RYR2: variants seen among roughly 807,000 people sequenced by gnomAD.
RYR2 encodes ryanodine receptor 2.
A neutral mutation model predicts 601.1 loss-of-function variants in RYR2; 227 were observed. The observed-to-expected ratio is 0.38, with a 90% CI of 0.34 to 0.42. RYR2 has a LOEUF of 0.42. Among genes scored for constraint, RYR2 ranks in the 10% least tolerant of loss-of-function variants. RYR2 has a pLI of 1.00. For missense variants in RYR2, 4,646 were observed against 6,156.5 expected (o/e 0.75, Z 8.21); for synonymous variants, 2,223 against 2,175.1 (o/e 1.02, Z -0.61).
In RYR2 at chr1:237,203,346, A is replaced by G. The variant is rs192118817; in HGVS notation, c.49-67151A>G. Among the ~76,000 whole-genome samples, 78 of 152,316 alleles carry G rather than the reference A, an allele frequency of 5.1e-4. 1 individual carries two copies. Among genetic ancestry groups the G allele is most frequent in the Non-Finnish European group, 5.9e-5 (4 of 68,032 alleles). On this transcript the variant is annotated intron_variant, in intron 1 of 104. Coordinates refer to ENST00000366574, the MANE Select transcript of RYR2 (RefSeq NM_001035.3). The stretch of plus-strand genomic sequence containing the variant: ...TTGTTATTATTGCTGTTTAGTGTAT[A>G]TTATTCTTAAATGTTTATAAAATGA...
At chr1:237,378,420 T>C (rs897318950) in intron 8 of RYR2, among the ~76,000 whole-genome samples, 1 of 152,222 alleles carries the variant, frequency 6.6e-6, no homozygotes, top group African/African-American at 2.4e-5. Flanking sequence ...ATGAAGTAAG[T>C]TGAAATGAAG....
intron 25 of RYR2, among the ~76,000 whole-genome samples, chr1:237,536,572 G>A (rs552456832): frequency 2.0e-5 from 3 of 152,234 alleles, no homozygotes; most frequent in South Asian, 2.1e-4. Flanking sequence ...AAAATTAGCC[G>A]GGCGTGGTGG....
chr1:237,472,013 A>G (rs1231771260), intron 17 of RYR2, among the ~76,000 whole-genome samples: 2 of 152,200 alleles, frequency 1.3e-5, no homozygotes, highest in East Asian at 1.9e-4. Flanking sequence ...CAATATGACC[A>G]TGATACTTTG....
intron 58 of RYR2, among the ~76,000 whole-genome samples, chr1:237,672,581 C>T (rs1029391454): frequency 1.3e-5 from 2 of 152,176 alleles, no homozygotes; most frequent in African/African-American, 2.4e-5. Context: ...TCACCTCAAA[C>T]ATTTATATTT....
intron 84 of RYR2, among the ~76,000 whole-genome samples, chr1:237,763,369 C>T (rs144168636): frequency 0.011 from 1,670 of 152,250 alleles, 17 homozygotes; most frequent in Middle Eastern, 0.02. Flanking sequence ...TCAAGGAGGA[C>T]GTGACAAGCT....
chr1:237,071,873 G>A (rs1194306390), intron 1 of RYR2, among the ~76,000 whole-genome samples: 1 of 152,250 alleles, frequency 6.6e-6, no homozygotes, highest in African/African-American at 2.4e-5. Context: ...GTTTCAGAGG[G>A]GGATGAGGCG....
intron 10 of RYR2, among the ~76,000 whole-genome samples, chr1:237,406,227 C>G (rs1203941904): frequency 8.8e-6 from 1 of 113,946 alleles, no homozygotes; most frequent in Non-Finnish European, 1.8e-5. Context: ...CCCCTCCCCT[C>G]CCCTCTCCCA....
chr1:237,219,142 G>A (rs1349590134), intron 1 of RYR2, among the ~76,000 whole-genome samples: 1 of 150,956 alleles, frequency 6.6e-6, no homozygotes, highest in Non-Finnish European at 1.5e-5. Context: ...CTCTCGAATA[G>A]CTGGGATTAC....
chr1:237,061,786 TA>T (rs966291001), intron 1 of RYR2, among the ~76,000 whole-genome samples: 1 of 152,168 alleles, frequency 6.6e-6, no homozygotes, highest in African/African-American at 2.4e-5. Context: ...TCAGTTTTTT[TA>T]AATCATGGTT....
At chr1:237,462,795 C>A (rs1659627631) in intron 16 of RYR2, among the ~76,000 whole-genome samples, 1 of 152,176 alleles carries the variant, frequency 6.6e-6, no homozygotes, top group South Asian at 2.1e-4. Context: ...GGGCTTTAGA[C>A]ATGCACAGAT....
chr1:237,364,336 T>C (rs1446842402), intron 4 of RYR2, 22 bp from the exon 5 acceptor site: 13 of 1,573,322 alleles, frequency 8.3e-6, no homozygotes, highest in Non-Finnish European at 1.1e-5. Context: ...ATGTTTCCTC[T>C]CTTTTCCTTA....
intron 24 of RYR2, among the ~76,000 whole-genome samples, chr1:237,514,881 T>G (rs540851045): frequency 3.9e-5 from 6 of 152,320 alleles, no homozygotes; most frequent in African/African-American, 1.4e-4. Context: ...AGAGGGAGCA[T>G]AGTCTAGGTT....
At chr1:237,212,706 T>C (rs1682721483) in intron 1 of RYR2, among the ~76,000 whole-genome samples, 1 of 152,196 alleles carries the variant, frequency 6.6e-6, no homozygotes, top group Non-Finnish European at 1.5e-5. Flanking sequence ...ATAATACTAA[T>C]GTACTAATAT....
chr1:237,503,450 C>T lies in RYR2; in HGVS notation c.2558C>T (p.Pro853Leu). The change falls in exon 22 of 105, where the codon CCC becomes CTC. Residue 853 changes from proline to leucine, a missense_variant. By Grantham distance (98) the Pro-to-Leu change is moderately conservative. Coordinates refer to ENST00000366574, the MANE Select transcript of RYR2 (RefSeq NM_001035.3). ...ACTTACACACGCGACCTGCTGGGCC[C>T]CACAGTTTCCCTGACGCAAGCTGCC... ...ERTYTRDLLG[P>L]TVSLTQAAFT... 1 of 1,613,928 alleles carries T rather than the reference C, an allele frequency of 6.2e-7. No homozygotes were observed. Among genetic ancestry groups the T allele is most frequent in the Non-Finnish European group, 8.5e-7 (1 of 1,179,894 alleles).
Position 237,656,016 on chromosome 1 carries a change from A to G in RYR2, c.8129+32A>G, listed in dbSNP as rs753223893. ...ACTCTTTCTATTGCAGCAGATTTTT[A>G]TTGTAAATGATGTGTGAAGTCTGAA... On this transcript the variant is annotated intron_variant, in intron 53 of 104. Coordinates refer to ENST00000366574, the MANE Select transcript of RYR2 (RefSeq NM_001035.3). 15 of 1,602,198 alleles carry G rather than the reference A, an allele frequency of 9.4e-6. No individual in the cohort carries two copies. In the South Asian group the frequency reaches 1.6e-4, roughly 17 times the overall value.
chr1:237,445,364 CG>C (rs765918578), intron 13 of RYR2, 36 bp from the exon 14 acceptor site: 1 of 1,610,014 alleles, frequency 6.2e-7, no homozygotes, highest in South Asian at 1.1e-5. Flanking sequence ...GGAAAAGAGA[CG>C]TTGGGAGTAA....
chr1:237,329,209 G>A (rs991994789), intron 2 of RYR2, among the ~76,000 whole-genome samples: 7 of 151,714 alleles, frequency 4.6e-5, no homozygotes, highest in African/African-American at 1.7e-4. Flanking sequence ...TGAGAACAGG[G>A]TCTTGCTCTG....
intron 1 of RYR2, among the ~76,000 whole-genome samples, chr1:237,157,188 T>TG: frequency 6.8e-6 from 1 of 147,966 alleles, no homozygotes; most frequent in East Asian, 2.0e-4. Context: ...CCCAGCTACT[T>TG]GGGAGGCTGA....
chr1:237,708,691 G>A (rs1420599801), intron 68 of RYR2, among the ~76,000 whole-genome samples, 167 bp from the exon 69 acceptor site: 1 of 152,124 alleles, frequency 6.6e-6, no homozygotes, highest in Non-Finnish European at 1.5e-5. Flanking sequence ...TGGCAGCTAT[G>A]CAATTAGAAC....
Sources: allele counts gnomAD v4.1 joint callset (sites outside exome capture counted in the v4.1 genomes callset), GRCh38; gene constraint gnomAD v4.1.1; transcripts MANE v1.5; gene names NCBI Gene and HGNC (gene_info 2026-07-23, HGNC 2026-07-21).